Variants in CEP78 observed in about 807,000 individuals in gnomAD.
CEP78 encodes centrosomal protein of 78 kDa.
CEP78 carries 76 observed loss-of-function variants against 81.2 expected under a neutral mutation model. The ratio of observed to expected loss-of-function variants is 0.94; its 90% CI spans 0.78 to 1.13. CEP78 has a LOEUF of 1.13. CEP78 is among the 50% of genes most tolerant of loss of function. The probability of loss-of-function intolerance (pLI) is 0.00; values close to 1 mark genes in which losing one functional copy is unlikely to be tolerated. For synonymous variants in CEP78, 293 were observed against 301.4 expected (o/e 0.97, Z 0.29); for missense variants, 918 against 846.8 (o/e 1.08, Z -1.04).
chr9:78,271,845 C>A lies in CEP78; in HGVS notation c.*994C>A, dbSNP rs542944708. 1 of 152,152 alleles carries A rather than the reference C, an allele frequency of 6.6e-6. No individual in the cohort carries two copies. The highest frequency in any genetic ancestry group is 6.5e-5 in the Admixed American group (1 of 15,286). 9.4% of individuals were successfully genotyped at this position (152,152 alleles called of 1,614,324 possible). A position where few individuals can be genotyped will look rare whatever the true frequency, so the allele number is the denominator to read the frequency against. On this transcript the variant is annotated 3_prime_UTR_variant, in exon 17 of 17. Coordinates refer to ENST00000643273, the MANE Select transcript of CEP78 (RefSeq NM_001330691.3). ...CCTCCCAAGTAGCTGCAATGTACCA[C>A]CATGCCGAAGTTTTAAAAAATTATT...
rs779449160 is a variant in CEP78 at position 78,266,590 on chromosome 9, T to G, written c.1994T>G (p.Ile665Ser). ...EQRQESFEGF[I>S]ARMCSPSPDA... is the part of the protein sequence containing the mutation. ...CGGCAGGAGTCTTTTGAAGGATTCA[T>G]TGCTAGAATGTGTTCTCCTTCACCA... is the stretch of plus-strand genomic sequence containing the variant. Residue 665 changes from isoleucine (I) to serine (S), a missense_variant, in exon 16 of 17, where the codon ATT (isoleucine) becomes AGT (serine). Transcript: ENST00000643273. 6.2e-7 allele frequency: 1 copy of G among 1,613,750 alleles called. No homozygotes were observed. Among genetic ancestry groups the G allele is most frequent in the East Asian group, 2.2e-5 (1 of 44,878 alleles).
intron 14 of CEP78, 52 bp downstream of exon 14, chr9:78,265,595 G>C (rs367803619): frequency 7.3e-5 from 106 of 1,458,056 alleles, no homozygotes; most frequent in Non-Finnish European, 9.2e-5. Flanking sequence ...AGCAAAAAAG[G>C]GAATTACTAA....
At chr9:78,252,192 G>A in intron 9 of CEP78, 149 bp downstream of exon 9, 8 of 630,546 alleles carry the variant, frequency 1.3e-5, no homozygotes, top group Non-Finnish European at 1.3e-5. Flanking sequence ...CTTTAAGGAA[G>A]AAAAACAAAA....
intron 11 of CEP78, among the ~76,000 whole-genome samples, chr9:78,262,150 C>A (rs942641516): frequency 6.6e-6 from 1 of 151,926 alleles, no homozygotes; most frequent in African/African-American, 2.4e-5. Context: ...GGTTAAGACC[C>A]ATATCATTGT....
rs1467320763 is a variant in CEP78, at chr9:78,266,561, G to C, written c.1965G>C (p.Glu655Asp). 6.2e-7 allele frequency: 1 copy of C among 1,613,944 alleles called. No individual in the cohort carries two copies. Among genetic ancestry groups the C allele is most frequent in the South Asian group, 1.1e-5 (1 of 91,074 alleles). ...SSNNLGVPAT[E>D]QRQESFEGFI... ...ACAACCTAGGAGTCCCAGCTACTGA[G>C]CAGCGGCAGGAGTCTTTTGAAGGAT... The change falls in exon 16 of 17, where the codon GAG becomes GAC. Residue 655 changes from glutamate (E) to aspartate (D), a missense_variant. Physicochemically the swap from Glu to Asp is conservative, Grantham distance 45 (BLOSUM62 2). Coordinates refer to ENST00000643273, the MANE Select transcript of CEP78 (RefSeq NM_001330691.3).
Position 78,271,927 on chromosome 9 carries a change from A to T in CEP78, c.*1076A>T, listed in dbSNP as rs1587616316. 1 of 148,014 alleles carries T rather than the reference A, an allele frequency of 6.8e-6. No homozygotes were observed. The highest frequency in any genetic ancestry group is 2.5e-5 in the African/African-American group (1 of 40,006). The allele number at this position is 148,014 out of a possible 1,614,324, so 9.2% of individuals were successfully genotyped here. On this transcript the variant is annotated 3_prime_UTR_variant, in exon 17 of 17. Transcript: ENST00000643273. Reference sequence around the variant, plus strand: ...TTTCTTTTTTTCTTTTTTTTTTGAGACGGAGTCTCGCTCTATTGCCCAGGC... The same window carrying T: ...TTTCTTTTTTTCTTTTTTTTTTGAGTCGGAGTCTCGCTCTATTGCCCAGGC...
At chr9:78,237,599 T>C (rs1490769111) in intron 1 of CEP78, among the ~76,000 whole-genome samples, 4 of 151,834 alleles carry the variant, frequency 2.6e-5, no homozygotes, top group Admixed American at 1.3e-4. Flanking sequence ...GCAGAGAGAG[T>C]TGAGGCTGGA....
chr9:78,247,809 G>A (rs1826567151), intron 6 of CEP78, among the ~76,000 whole-genome samples: 1 of 152,154 alleles, frequency 6.6e-6, no homozygotes, highest in Non-Finnish European at 1.5e-5. Context: ...TAGCTAACAA[G>A]ACTTGTGGGG....
chr9:78,265,638 T>G, intron 14 of CEP78, 95 bp downstream of exon 14: 103 of 1,089,276 alleles, frequency 9.5e-5, no homozygotes, highest in Non-Finnish European at 1.2e-4. Flanking sequence ...TCTGTGCACA[T>G]GCTCAGGGAC....
At chr9:78,270,407 A>G (rs1324326619) in intron 16 of CEP78, among the ~76,000 whole-genome samples, 1 of 152,208 alleles carries the variant, frequency 6.6e-6, no homozygotes, top group Non-Finnish European at 1.5e-5. Context: ...AAATAATATC[A>G]TTTAATTTTG....
At chr9:78,240,735 C>T (rs527428100) in intron 3 of CEP78, among the ~76,000 whole-genome samples, 1 of 151,982 alleles carries the variant, frequency 6.6e-6, no homozygotes, top group Non-Finnish European at 1.5e-5. Context: ...CCGACGTGGG[C>T]GGATCATGAG....
chr9:78,250,386 GA>G, intron 8 of CEP78: 1 of 394,998 alleles, frequency 2.5e-6, no homozygotes, highest in Middle Eastern at 6.4e-4. Context: ...CAGAAGATAG[GA>G]AACTTTATAA....
chr9:78,253,431 A>G (rs1826860507), intron 10 of CEP78, 154 bp downstream of exon 10: 1 of 600,618 alleles, frequency 1.7e-6, no homozygotes, highest in African/African-American at 1.9e-5. Flanking sequence ...CCGGTGCCAC[A>G]GTATAGGCGT....
Position 78,279,031 on chromosome 9 carries a change from T to G in CEP78, c.*8180T>G, listed in dbSNP as rs1381272198. ...GGCTCAGAGAATGCCCGAGTTCTCT[T>G]AGTACAGTTTGTACATTTTAAACCA... On this transcript the variant is annotated 3_prime_UTR_variant, in exon 17 of 17. Coordinates refer to ENST00000643273, the MANE Select transcript of CEP78 (RefSeq NM_001330691.3). 1 of 146,496 alleles carries G rather than the reference T, an allele frequency of 6.8e-6. No homozygotes were observed. The highest frequency in any genetic ancestry group is 2.0e-4 in the East Asian group (1 of 5,122). 9.1% of individuals were successfully genotyped at this position (146,496 alleles called of 1,614,324 possible).
In CEP78 at chr9:78,265,557, A is replaced by G. The variant is rs575417334; in HGVS notation, c.1797+14A>G. On this transcript the variant is annotated intron_variant, in intron 14 of 16. Transcript: ENST00000643273. ...CAAAATATCCAGGTAAATGAATAGAACAGAACTTAGTGATTCTACAAGTGA... is the reference window on the plus strand; with the variant it reads ...CAAAATATCCAGGTAAATGAATAGAGCAGAACTTAGTGATTCTACAAGTGA... 9 of 1,549,808 alleles carry G rather than the reference A, an allele frequency of 5.8e-6. No homozygotes were observed. Among genetic ancestry groups the G allele is most frequent in the Admixed American group, 2.0e-5 (1 of 49,290 alleles).
Position 78,248,893 on chromosome 9 carries a change from CT to C in CEP78, c.1069+25del. On this transcript the variant is annotated intron_variant, in intron 8 of 16. Transcript: ENST00000643273. ...GAATTGGTAACCTTTTCTGTCTTGGCTTTTTAATGCTACTAGTGTTCTAGTG... is the reference window on the plus strand; with the variant it reads ...GAATTGGTAACCTTTTCTGTCTTGGCTTTTAATGCTACTAGTGTTCTAGTG... 1 of 1,208,890 alleles carries C rather than the reference CT, an allele frequency of 8.3e-7. No individual in the cohort carries two copies. 74.9% of individuals were successfully genotyped at this position (1,208,890 alleles called of 1,614,324 possible).
chr9:78,246,729 T>C lies in CEP78; in HGVS notation c.839T>C (p.Leu280Pro). The change falls in exon 6 of 17, where the codon CTT becomes CCT. Residue 280 changes from leucine (L) to proline (P), a missense_variant. By Grantham distance (98) the Leu-to-Pro change is moderately conservative. Transcript: ENST00000643273. Reference sequence around the variant, plus strand: ...GGAGCAAAGGCTTTGCTAGAGGCCCTTGAAACCAATACAACTCTGGTCGTT... The same window carrying C: ...GGAGCAAAGGCTTTGCTAGAGGCCCCTGAAACCAATACAACTCTGGTCGTT... ...NEGAKALLEA[L>P]ETNTTLVVLD... 1 of 1,611,426 alleles carries C rather than the reference T, an allele frequency of 6.2e-7. No individual in the cohort carries two copies. The highest frequency in any genetic ancestry group is 8.5e-7 in the Non-Finnish European group (1 of 1,178,766).
intron 12 of CEP78, 145 bp downstream of exon 12, chr9:78,263,129 T>C (rs972605716): frequency 4.7e-6 from 2 of 421,830 alleles, no homozygotes; most frequent in Non-Finnish European, 8.6e-6. Context: ...TGTTTGTATT[T>C]ACTTATATTT....
chr9:78,245,978 C>T (rs1451041584), intron 5 of CEP78, among the ~76,000 whole-genome samples: 1 of 152,064 alleles, frequency 6.6e-6, no homozygotes, highest in East Asian at 1.9e-4. Context: ...GAATCTAGTG[C>T]AATTTCTGAG....
Sources: allele counts gnomAD v4.1 joint callset (sites outside exome capture counted in the v4.1 genomes callset), GRCh38; gene constraint gnomAD v4.1.1; transcripts MANE v1.5; gene names NCBI Gene and HGNC (gene_info 2026-07-23, HGNC 2026-07-21).